The following GNAL variants were observed in gnomAD, a reference collection of about 807,000 sequenced individuals.
The protein encoded by GNAL is guanine nucleotide-binding protein G(olf) subunit alpha.
GNAL carries 18 observed loss-of-function variants against 55.1 expected under a neutral mutation model. The ratio of observed to expected loss-of-function variants is 0.33; its 90% CI spans 0.23 to 0.48. GNAL has a LOEUF of 0.48. GNAL is among the 20% of genes least tolerant of loss of function. The pLI is 0.99. For synonymous variants in GNAL, 253 were observed against 237.0 expected (o/e 1.07, Z -0.62); for missense variants, 412 against 614.1 (o/e 0.67, Z 3.48).
chr18:11,739,347 C>A (rs1418604022), intron 1 of GNAL, among the ~76,000 whole-genome samples: 2 of 152,146 alleles, frequency 1.3e-5, no homozygotes, highest in African/African-American at 2.4e-5. Flanking sequence ...GTGAATCTTT[C>A]TCCATCTTCT....
intron 8 of GNAL, among the ~76,000 whole-genome samples, chr18:11,867,431 C>T (rs2036288176): frequency 6.6e-6 from 1 of 152,170 alleles, no homozygotes; most frequent in South Asian, 2.1e-4. Context: ...GTAATCCCAG[C>T]ACCTTGGGAG....
At position 11,872,254 on chromosome 18, in the gene GNAL, T is replaced by C. The variant is rs755901951; in HGVS notation, c.1032-14T>C. On this transcript the variant is annotated splice_polypyrimidine_tract_variant and intron_variant, in intron 9 of 11. Transcript: ENST00000334049. Reference sequence around the variant, plus strand: ...GTGTATGTGAAATTTGTATGTTTATTTTTCCTTTTTTAGGTGGTTACGGAC... The same window carrying C: ...GTGTATGTGAAATTTGTATGTTTATCTTTCCTTTTTTAGGTGGTTACGGAC... The C allele has an allele frequency of 1.3e-6, 2 of 1,556,492 alleles. No individual in the cohort carries two copies. The highest frequency in any genetic ancestry group is 4.2e-5 in the Admixed American group (2 of 47,780).
chr18:11,835,012 A>G (rs559662521), intron 5 of GNAL, among the ~76,000 whole-genome samples: 1 of 152,344 alleles, frequency 6.6e-6, no homozygotes, highest in East Asian at 1.9e-4. Flanking sequence ...GTCTACAAAA[A>G]TGACCAGAAC....
intron 4 of GNAL, among the ~76,000 whole-genome samples, chr18:11,782,098 C>G (rs1452213290): frequency 6.6e-6 from 1 of 152,190 alleles, no homozygotes; most frequent in Non-Finnish European, 1.5e-5. Flanking sequence ...GGGCGGATCA[C>G]TTGAGGCCAG....
chr18:11,759,802 C>T lies in GNAL; in HGVS notation c.624+5857C>T, dbSNP rs966969816. Among the ~76,000 whole-genome samples the T allele has an allele frequency of 5.9e-5, 9 of 152,216 alleles. No individual in the cohort carries two copies. The South Asian group carries it at 6.2e-4, about 11-fold the overall frequency. On this transcript the variant is annotated intron_variant, in intron 4 of 11. Coordinates refer to ENST00000334049, the MANE Select transcript of GNAL (RefSeq NM_182978.4). ...AGATGTGTGCAGAATCTCCAGAATGCGGTCAGATTCTTCCGCACAATATCT... is the reference window on the plus strand; with the variant it reads ...AGATGTGTGCAGAATCTCCAGAATGTGGTCAGATTCTTCCGCACAATATCT...
At chr18:11,711,153 G>A (rs1177741463) in intron 1 of GNAL, among the ~76,000 whole-genome samples, 5 of 152,200 alleles carry the variant, frequency 3.3e-5, no homozygotes, top group Non-Finnish European at 7.3e-5. Context: ...GGGATTACAG[G>A]CGTGAGCCAC....
intron 5 of GNAL, among the ~76,000 whole-genome samples, chr18:11,830,347 C>T (rs866878095): frequency 1.3e-4 from 17 of 129,776 alleles, no homozygotes; most frequent in Middle Eastern, 7.2e-3. Flanking sequence ...AGTGCAATGG[C>T]ACGATCTTGG....
chr18:11,802,249 G>A (rs1175091893), intron 4 of GNAL, among the ~76,000 whole-genome samples: 1 of 152,068 alleles, frequency 6.6e-6, no homozygotes, highest in East Asian at 1.9e-4. Context: ...CTGATGACAG[G>A]GTAAGAACTG....
rs150332699 is a variant in GNAL, at chr18:11,780,676, C to T, written c.624+26731C>T. Among the ~76,000 whole-genome samples, 280 of 152,174 alleles carry T rather than the reference C, an allele frequency of 1.8e-3. 3 individuals are homozygous for T. Among genetic ancestry groups the T allele is most frequent in the Non-Finnish European group, 1.1e-3 (73 of 68,024 alleles). On this transcript the variant is annotated intron_variant, in intron 4 of 11. Transcript: ENST00000334049. ...TAGCCAATCTGCCTTTGGGTTTTCA[C>T]GTCTGTAAAATGATTATATTAATAC... is the stretch of plus-strand genomic sequence containing the variant.
At chr18:11,707,039 A>C (rs1335741221) in intron 1 of GNAL, among the ~76,000 whole-genome samples, 1 of 151,962 alleles carries the variant, frequency 6.6e-6, no homozygotes, top group Non-Finnish European at 1.5e-5. Context: ...ACAGGGTCTC[A>C]CTCTGTCACC....
chr18:11,862,370 C>A, intron 5 of GNAL, 25 bp from the exon 6 acceptor site: 1 of 1,609,352 alleles, frequency 6.2e-7, no homozygotes, highest in Non-Finnish European at 8.5e-7. Flanking sequence ...GAACAGGCCT[C>A]AACCCTTGCT....
At chr18:11,832,784 C>T (rs1404314545) in intron 5 of GNAL, among the ~76,000 whole-genome samples, 2 of 151,702 alleles carry the variant, frequency 1.3e-5, no homozygotes, top group Admixed American at 6.6e-5. Context: ...TGCTTGAACC[C>T]GGGAGGCAGA....
chr18:11,856,177 A>G (rs979205016), intron 5 of GNAL, among the ~76,000 whole-genome samples: 6 of 151,532 alleles, frequency 4.0e-5, no homozygotes, highest in African/African-American at 1.2e-4. Context: ...GCCAGTGGAC[A>G]CTAAGGAAAC....
In GNAL at chr18:11,788,897, G is replaced by GGAAAAAAAAAAA. The variant is rs1385387064; in HGVS notation, c.624+34952_624+34953insGAAAAAAAAAAA. On this transcript the variant is annotated intron_variant, in intron 4 of 11. Transcript: ENST00000334049. ...AGGAGACAGAGCAAGACTCCGTCTC[G>GGAAAAAAAAAAA]AAAAAAAAAAAAAAAAAATATATAT... 1.5e-4 allele frequency among the ~76,000 whole-genome samples: 12 copies of GGAAAAAAAAAAA among 82,512 alleles called. 1 individual carries two copies. Among genetic ancestry groups the GGAAAAAAAAAAA allele is most frequent in the African/African-American group, 8.3e-4 (11 of 13,328 alleles). 54.1% of individuals were successfully genotyped at this position (82,512 alleles called of 152,430 possible).
intron 5 of GNAL, chr18:11,852,616 T>G (rs1170861325): frequency 0.033 from 124 of 3,734 alleles, no homozygotes; most frequent in Non-Finnish European, 0.14. Context: ...GGTTTTTGTT[T>G]TTTTTTTTTT....
chr18:11,851,373 CA>C, intron 5 of GNAL: 1 of 1,148,736 alleles, frequency 8.7e-7, no homozygotes, highest in East Asian at 2.7e-5. Flanking sequence ...GCTCTGACGT[CA>C]CCACCTGCGC....
intron 9 of GNAL, among the ~76,000 whole-genome samples, chr18:11,870,253 G>A (rs1353655313): frequency 2.6e-5 from 4 of 152,196 alleles, no homozygotes; most frequent in Admixed American, 2.6e-4. Context: ...GGGAACAGTG[G>A]CTCATGCCTG....
intron 1 of GNAL, among the ~76,000 whole-genome samples, chr18:11,709,519 T>C (rs965737060): frequency 6.6e-6 from 1 of 152,114 alleles, no homozygotes; most frequent in African/African-American, 2.4e-5. Flanking sequence ...ATAAAGGTCT[T>C]TCTCCTCCTT....
chr18:11,761,512 A>G (rs1568015030), intron 4 of GNAL, among the ~76,000 whole-genome samples: 2 of 152,072 alleles, frequency 1.3e-5, no homozygotes, highest in East Asian at 3.9e-4. Context: ...TTTCTTTGCT[A>G]ACATTGGCCT....
Sources: gnomAD v4.1 joint callset for allele counts (sites outside exome capture counted in the v4.1 genomes callset) on GRCh38, gnomAD v4.1.1 for gene constraint, MANE v1.5 for transcripts, NCBI Gene and HGNC (gene_info 2026-07-23, HGNC 2026-07-21) for gene names.